Variants in ARSD observed in about 807,000 individuals in gnomAD.
The protein encoded by ARSD is arylsulfatase D, also known as testis tissue sperm-binding protein Li 39a.
ARSD carries 21 observed loss-of-function variants against 32.6 expected under a neutral mutation model. That is an observed-to-expected ratio of 0.64 (90% CI 0.46 to 0.93). The LOEUF is 0.93. Among genes scored for constraint, ARSD ranks in the 40% least tolerant of loss-of-function variants. The probability of loss-of-function intolerance (pLI) is 0.00; values close to 1 mark genes in which losing one functional copy is unlikely to be tolerated. For synonymous variants in ARSD, 224 were observed against 237.4 expected (o/e 0.94, Z 0.52); for missense variants, 454 against 520.9 (o/e 0.87, Z 1.25).
At chrX:2,927,182 C>T (rs1238461066) in intron 1 of ARSD, among the ~76,000 whole-genome samples, 2 of 110,235 alleles carry the variant, frequency 1.8e-5, no homozygotes, top group Admixed American at 1.9e-4. Context: ...AGGCAGGGAA[C>T]CTAAGGCTTT....
At chrX:2,914,014 C>G in intron 6 of ARSD, 2 of 507,808 alleles carry the variant, frequency 3.9e-6, no homozygotes, top group African/African-American at 2.6e-5. Flanking sequence ...TCCCCGAGGT[C>G]TCCCCAGAAG....
chrX:2,909,762 A>G, intron 8 of ARSD, 55 bp downstream of exon 8: 1 of 1,117,949 alleles, frequency 8.9e-7, no homozygotes, highest in Non-Finnish European at 1.2e-6. Flanking sequence ...ATAAAAAAAA[A>G]AAACTAAAAA....
Position 2,909,822 on chromosome X carries a change from C to T in ARSD, c.1293G>A (p.Gln431=). 8.3e-7 allele frequency: 1 copy of T among 1,208,125 alleles called. No individual in the cohort carries two copies. The highest frequency in any genetic ancestry group is 1.1e-6 in the Non-Finnish European group (1 of 893,297). Residue 431 remains glutamine (Q), a synonymous_variant, in exon 8 of 10, where the codon CAG becomes CAA. Transcript: ENST00000381154. ...VVQLVGGEVP[Q]DRVIDGHSLV... is the part of the protein sequence containing the mutation. ...GCAGCCTTATCTCCACGTACCTGTC[C>T]TGGGGCACCTCGCCACCCACCAGCT...
At chrX:2,911,682 A>G (rs1313303499) in intron 6 of ARSD, among the ~76,000 whole-genome samples, 1 of 104,862 alleles carries the variant, frequency 9.5e-6, no homozygotes, top group East Asian at 4.0e-4. Flanking sequence ...AAAAAAAAAA[A>G]AAAGAAAAAA....
At chrX:2,911,883 C>T (rs1208406026) in intron 6 of ARSD, among the ~76,000 whole-genome samples, 3 of 111,098 alleles carry the variant, frequency 2.7e-5, no homozygotes, top group Non-Finnish European at 5.7e-5. Flanking sequence ...TGCCTGTCAT[C>T]CCAGCACTTT....
At position 2,922,842 on chromosome X, in the gene ARSD, C is replaced by CA. The variant is rs60380048; in HGVS notation, c.195-819dup. Among the ~76,000 whole-genome samples the CA allele has an allele frequency of 6.5e-3, 286 of 43,683 alleles. 17 individuals carry two copies. The highest frequency in any genetic ancestry group is 9.7e-3 in the Non-Finnish European group (247 of 25,388). 37.9% of individuals were successfully genotyped at this position (43,683 alleles called of 115,157 possible). ...GAAAGAACAGAGTGAGACCGTGTCT[C>CA]AAAAAAAAAAAAAAAAAAAAAAAAA... is the stretch of plus-strand genomic sequence containing the variant. On this transcript the variant is annotated intron_variant, in intron 2 of 9. Coordinates refer to ENST00000381154, the MANE Select transcript of ARSD (RefSeq NM_001669.4).
Position 2,914,476 on chromosome X carries a change from G to A in ARSD, c.1000+1080C>T, listed in dbSNP as rs770077324. On this transcript the variant is annotated intron_variant, in intron 6 of 9. Transcript: ENST00000381154. Reference sequence around the variant, plus strand: ...GCTGGTCTTGAACTCCTGGTCTCAAGCCATCTCCCTGCCTTAGCCTCCCAA... The same window carrying A: ...GCTGGTCTTGAACTCCTGGTCTCAAACCATCTCCCTGCCTTAGCCTCCCAA... 13 of 800,552 alleles carry A rather than the reference G, an allele frequency of 1.6e-5. No individual in the cohort carries two copies. In the African/African-American group the frequency reaches 2.9e-4, roughly 18 times the overall value. 66.0% of individuals were successfully genotyped at this position (800,552 alleles called of 1,213,427 possible).
At chrX:2,911,632 T>C (rs1283735622) in intron 6 of ARSD, among the ~76,000 whole-genome samples, 1 of 93,019 alleles carries the variant, frequency 1.1e-5, no homozygotes, top group African/African-American at 4.3e-5. Context: ...ATCGCACCAC[T>C]GCACTCCAGC....
Position 2,909,894 on chromosome X carries a change from C to G in ARSD, c.1221G>C (p.Val407=). 8.3e-7 allele frequency: 1 copy of G among 1,210,956 alleles called. No homozygotes were observed. The highest frequency in any genetic ancestry group is 1.1e-6 in the Non-Finnish European group (1 of 895,334). The stretch of plus-strand genomic sequence containing the variant: ...CCATCAGGCTCGTGGGCTCTCCAAT[C>G]ACTCGGCCGGCCGGGAGCACCCCCG... ...HWPGVLPAGR[V]IGEPTSLMDV... is the part of the protein sequence containing the mutation. The change falls in exon 8 of 10, where the codon GTG becomes GTC. Residue 407 remains valine, a synonymous_variant. Coordinates refer to ENST00000381154, the MANE Select transcript of ARSD (RefSeq NM_001669.4).
Position 2,905,319 on chromosome X carries a change from C to G in ARSD, c.*1952G>C, listed in dbSNP as rs1256974376. 1 of 215,952 alleles carries G rather than the reference C, an allele frequency of 4.6e-6. No homozygotes were observed. Among genetic ancestry groups the G allele is most frequent in the African/African-American group, 3.0e-5 (1 of 33,410 alleles). The allele number at this position is 215,952 out of a possible 1,213,427, so 17.8% of individuals were successfully genotyped here. A position where few individuals can be genotyped will look rare whatever the true frequency, so the allele number is the denominator to read the frequency against. On this transcript the variant is annotated 3_prime_UTR_variant, in exon 10 of 10. Transcript: ENST00000381154. ...GGCTCTCGTTTCAATTCCCAGTATG[C>G]TTCCTGCAAAGACCTCGATAGATGG...
intron 3 of ARSD, 91 bp downstream of exon 3, chrX:2,921,811 CT>C (rs2089031399): frequency 9.5e-7 from 1 of 1,053,102 alleles, no homozygotes; most frequent in Non-Finnish European, 1.3e-6. Flanking sequence ...ACCATTGCCC[CT>C]GTATCTTCAC....
intron 3 of ARSD, 152 bp downstream of exon 3, chrX:2,921,751 T>G (rs1271805585): frequency 5.3e-6 from 4 of 751,181 alleles, no homozygotes; most frequent in Middle Eastern, 6.3e-4. Flanking sequence ...CACAATACAA[T>G]ATTCCTTACA....
chrX:2,927,093 G>T (rs2089089782), intron 1 of ARSD, among the ~76,000 whole-genome samples: 1 of 110,222 alleles, frequency 9.1e-6, no homozygotes. Flanking sequence ...AATGGCCGCG[G>T]AAGGGGACAG....
chrX:2,918,296 G>T, intron 4 of ARSD, 69 bp from the exon 5 acceptor site: 1 of 1,018,243 alleles, frequency 9.8e-7, no homozygotes, highest in African/African-American at 1.9e-5. Flanking sequence ...AAGAACCTCG[G>T]AATCATTCCG....
rs376561042 is a variant in ARSD at position 2,912,320 on chromosome X, C to T, written c.1001-1527G>A. On this transcript the variant is annotated intron_variant, in intron 6 of 9. Transcript: ENST00000381154. Reference sequence around the variant, plus strand: ...TGATTCTCAGATAATAACTCAACCACCTGCCAATCAGAAAATCTGTGAATC... The same window carrying T: ...TGATTCTCAGATAATAACTCAACCATCTGCCAATCAGAAAATCTGTGAATC... Among the ~76,000 whole-genome samples the T allele has an allele frequency of 4.5e-5, 5 of 111,648 alleles. No individual in the cohort carries two copies. The East Asian group carries it at 1.1e-3, about 25-fold the overall frequency.
chrX:2,914,418 T>TGG (rs58883920), intron 6 of ARSD: 24 of 285,907 alleles, frequency 8.4e-5, no homozygotes, highest in African/African-American at 2.5e-4. Flanking sequence ...TTTGTAGAGA[T>TGG]GGGGGGGGGG....
intron 2 of ARSD, among the ~76,000 whole-genome samples, chrX:2,922,422 G>A (rs1451008070): frequency 1.8e-5 from 2 of 110,441 alleles, no homozygotes; most frequent in Non-Finnish European, 3.8e-5. Flanking sequence ...GGGTGGGGGC[G>A]TTTATGGTCT....
At chrX:2,918,364 A>G (rs2088993170) in intron 4 of ARSD, 137 bp from the exon 5 acceptor site, 4 of 566,054 alleles carry the variant, frequency 7.1e-6, no homozygotes, top group Non-Finnish European at 1.1e-5. Flanking sequence ...AAGGCAATGA[A>G]TGGATTGGAT....
At position 2,920,675 on chromosome X, in the gene ARSD, G is replaced by A. The variant is rs375505465; in HGVS notation, c.365C>T (p.Ser122Leu). Residue 122 changes from serine (S) to leucine (L), a missense_variant, in exon 4 of 10, where the codon TCA becomes TTA. Ser to Leu is a moderately radical substitution (Grantham distance 145, BLOSUM62 -2). Transcript: ENST00000381154. ...GGTTTCGTTCTCAGGGAGTCCACCT[G>A]AGCCTGCGTTCCACTGAAGGGCCCG... ...GYRALQWNAG[S>L]GGLPENETTF... The A allele has an allele frequency of 1.7e-5, 20 of 1,211,964 alleles. No individual in the cohort carries two copies. Among genetic ancestry groups the A allele is most frequent in the Non-Finnish European group, 2.2e-5 (20 of 895,596 alleles).
Sources: allele counts gnomAD v4.1 joint callset (sites outside exome capture counted in the v4.1 genomes callset), GRCh38; gene constraint gnomAD v4.1.1; transcripts MANE v1.5; gene names NCBI Gene and HGNC (gene_info 2026-07-23, HGNC 2026-07-21).